LARP1: variants seen among roughly 807,000 people sequenced by gnomAD.
LARP1 encodes La ribonucleoprotein 1, translational regulator.
A neutral mutation model predicts 122.7 loss-of-function variants in LARP1; 36 were observed. The observed-to-expected ratio is 0.29, with a 90% confidence interval of 0.22 to 0.39. The LOEUF (loss-of-function observed/expected upper bound fraction) is 0.39, where lower values mean the gene tolerates loss of function less well. Ranked by LOEUF, LARP1 falls within the 10% of genes least tolerant of loss-of-function variation. The pLI is 1.00. For synonymous variants in LARP1, 539 were observed against 528.7 expected, an observed-to-expected ratio of 1.02 and a Z score of -0.27; for missense variants, 1,040 against 1,403.6, an observed-to-expected ratio of 0.74 and a Z score of 4.14.
rs1759277058 is a variant in LARP1 at position 154,811,575 on chromosome 5, G to A, written c.3016G>A (p.Asp1006Asn). 2 of 1,614,046 alleles carry A rather than the reference G, an allele frequency of 1.2e-6. No homozygotes were observed. The highest frequency in any genetic ancestry group is 2.2e-5 in the South Asian group (2 of 91,086). Reference sequence around the variant, plus strand: ...GAAATATTCCAAAGCCAAAAATTTGGACATTGACCCCAAACTGCAAGAATA... The same window carrying A: ...GAAATATTCCAAAGCCAAAAATTTGAACATTGACCCCAAACTGCAAGAATA... The part of the protein sequence containing the change: ...FLKYSKAKNL[D>N]IDPKLQEYLG... The change falls in exon 18 of 19, where the codon GAC (aspartate) becomes AAC (asparagine). Residue 1006 changes from aspartate (D) to asparagine (N), a missense_variant. This residue lies in a region of LARP1 where 129 missense variants were observed against 160.8 expected (regional missense o/e 0.80). Transcript: ENST00000518297.
At chr5:154,809,200 C>G (rs1323805875) in intron 16 of LARP1, among the ~76,000 whole-genome samples, 1 of 151,500 alleles carries the variant, frequency 6.6e-6, no homozygotes, top group Non-Finnish European at 1.5e-5. Flanking sequence ...CTGGGTGGCT[C>G]ACGCCTATAA....
At chr5:154,685,760 C>T (rs765812262) in intron 1 of LARP1, 20 of 486,532 alleles carry the variant, frequency 4.1e-5, no homozygotes, top group Non-Finnish European at 7.3e-5. Context: ...CACTTGAGGC[C>T]GGGAGTTTGA....
chr5:154,772,268 TCTTA>T (rs768942667), intron 1 of LARP1, among the ~76,000 whole-genome samples: 2 of 152,260 alleles, frequency 1.3e-5, no homozygotes, highest in African/African-American at 2.4e-5. Flanking sequence ...TGTACATTCT[TCTTA>T]CTAAGTTTTT....
chr5:154,811,402 T>G, intron 17 of LARP1, 46 bp downstream of exon 17: 1 of 1,607,932 alleles, frequency 6.2e-7, no homozygotes, highest in Non-Finnish European at 8.5e-7. Context: ...CATGTAGGCC[T>G]CCTCTTCCCC....
chr5:154,742,305 T>C (rs1332094654), intron 1 of LARP1, among the ~76,000 whole-genome samples: 2 of 152,212 alleles, frequency 1.3e-5, no homozygotes, highest in Admixed American at 6.5e-5. Context: ...CTCACACCTG[T>C]AATCCCAGCA....
chr5:154,802,397 A>G lies in LARP1; in HGVS notation c.2107A>G (p.Lys703Glu). The change falls in exon 11 of 19, where the codon AAG (lysine) becomes GAG (glutamate). Residue 703 changes from lysine to glutamate, a missense_variant and splice_region_variant. Physicochemically the swap from Lys to Glu is moderately conservative, Grantham distance 56. This residue lies in a region of LARP1 where 362 missense variants were observed against 533.1 expected (regional missense o/e 0.68). Coordinates refer to ENST00000518297, the MANE Select transcript of LARP1 (RefSeq NM_033551.3). This position sits in a 1 kb window ranked among gnomAD's most constrained non-coding sequence, Gnocchi z 5.1. ...EKFEPEYSQI[K>E]QEVENFKKVN... ...GTTTGAACCTGAGTATTCCCAGATC[A>G]AGGTGAGGCTTGGACATAGCAGTGA... 6.3e-7 allele frequency: 1 copy of G among 1,595,614 alleles called. No individual in the cohort carries two copies.
intron 1 of LARP1, among the ~76,000 whole-genome samples, chr5:154,716,597 C>A (rs1322403141): frequency 6.6e-6 from 1 of 151,880 alleles, no homozygotes; most frequent in African/African-American, 2.4e-5. Context: ...TACAAGCATG[C>A]ACCACCACAC....
At chr5:154,775,788 G>A (rs1468447377) in intron 1 of LARP1, among the ~76,000 whole-genome samples, 1 of 152,204 alleles carries the variant, frequency 6.6e-6, no homozygotes, top group Non-Finnish European at 1.5e-5. Flanking sequence ...AGTGCTGAGA[G>A]GGGTTTGGGG....
intron 1 of LARP1, among the ~76,000 whole-genome samples, chr5:154,683,083 C>T (rs1212659221): frequency 6.6e-6 from 1 of 152,186 alleles, no homozygotes; most frequent in Non-Finnish European, 1.5e-5. Context: ...CCGGCACCAC[C>T]GTCTGGGCCC....
chr5:154,793,561 C>G, intron 4 of LARP1, 34 bp from the exon 5 acceptor site: 1 of 1,614,020 alleles, frequency 6.2e-7, no homozygotes, highest in Middle Eastern at 1.7e-4. Context: ...GCCTCTCCCT[C>G]AAGCCTTTCT....
upstream of LARP1, among the ~76,000 whole-genome samples, chr5:154,711,420 G>A (rs368512681): frequency 6.6e-6 from 1 of 152,120 alleles, no homozygotes; most frequent in Non-Finnish European, 1.5e-5. Context: ...GATTACAGGC[G>A]TGAGCCACCG....
At chr5:154,712,634 C>T (rs940692847), upstream of LARP1, among the ~76,000 whole-genome samples, 2 of 152,122 alleles carry the variant, frequency 1.3e-5, no homozygotes, top group Non-Finnish European at 2.9e-5. Context: ...AGGAAGGAAG[C>T]CCAGGACCAG....
chr5:154,804,342 G>A, intron 14 of LARP1, 35 bp downstream of exon 14: 2 of 1,501,404 alleles, frequency 1.3e-6, no homozygotes, highest in African/African-American at 1.4e-5. Context: ...TGATCAGGCT[G>A]CCTATGGGAT....
At chr5:154,722,703 C>T (rs1233158652) in intron 1 of LARP1, among the ~76,000 whole-genome samples, 4 of 122,570 alleles carry the variant, frequency 3.3e-5, no homozygotes, top group East Asian at 4.8e-4. Flanking sequence ...TTTTTTGAGA[C>T]GGAGTCTCAC....
Position 154,794,156 on chromosome 5 carries a change from A to T in LARP1, c.1126A>T (p.Thr376Ser). Reference sequence around the variant, plus strand: ...GTTTGATGGTGTGGAGGGGCCTCGTACGCCCAAGTACATGAACAACATCAC... The same window carrying T: ...GTTTGATGGTGTGGAGGGGCCTCGTTCGCCCAAGTACATGAACAACATCAC... ...RKFDGVEGPRTPKYMNNITYY... is the reference protein window; with the variant it reads ...RKFDGVEGPRSPKYMNNITYY... The change falls in exon 7 of 19, where the codon ACG becomes TCG. Residue 376 changes from threonine to serine, a missense_variant. By Grantham distance (58) the Thr-to-Ser change is moderately conservative. Around this residue, in one of 8 missense-constraint regions of LARP1, gnomAD observed 178 missense variants for 178.3 expected, o/e 1.00. Transcript: ENST00000518297. 6.2e-7 allele frequency: 1 copy of T among 1,614,168 alleles called. No homozygotes were observed. The highest frequency in any genetic ancestry group is 2.2e-5 in the East Asian group (1 of 44,886).
chr5:154,706,544 T>G (rs59484332), intron 1 of LARP1, among the ~76,000 whole-genome samples: 13,167 of 151,828 alleles, frequency 0.087, 1,248 homozygotes, highest in African/African-American at 0.24. Context: ...TGGTAGACAC[T>G]GAGGATTTAC....
chr5:154,687,836 G>A (rs1272025788), intron 1 of LARP1, among the ~76,000 whole-genome samples: 1 of 152,162 alleles, frequency 6.6e-6, no homozygotes, highest in Non-Finnish European at 1.5e-5. Flanking sequence ...TCGAGCTGCA[G>A]CCAGCTCTGC....
At chr5:154,711,082 G>A (rs1755193681), upstream of LARP1, among the ~76,000 whole-genome samples, 1 of 151,942 alleles carries the variant, frequency 6.6e-6, no homozygotes, top group South Asian at 2.1e-4. Flanking sequence ...ATTACTGCTG[G>A]AATTTTGAAG....
At chr5:154,757,105 G>C (rs1040595535) in intron 1 of LARP1, 26 of 149,694 alleles carry the variant, frequency 1.7e-4, no homozygotes, top group Admixed American at 7.3e-4. Context: ...GGCGCGGCCC[G>C]AGTGTGCGTG....
Sources: allele counts gnomAD v4.1 joint callset (sites outside exome capture counted in the v4.1 genomes callset), GRCh38; gene constraint gnomAD v4.1.1; regional missense constraint gnomAD v4.1.1; non-coding constraint Gnocchi (gnomAD v3.1); transcripts MANE v1.5; gene names NCBI Gene and HGNC (gene_info 2026-07-23, HGNC 2026-07-21).